Variants in NBAS observed in about 807,000 individuals in gnomAD.
NBAS encodes NAG/BC035112 fusion.
A neutral mutation model predicts 302.5 loss-of-function variants in NBAS; 219 were observed. That is an observed-to-expected ratio of 0.72 (90% CI 0.65 to 0.81). The LOEUF (loss-of-function observed/expected upper bound fraction) is 0.81. Among genes scored for constraint, NBAS ranks in the 30% least tolerant of loss-of-function variants. The pLI is 0.00. For missense variants in NBAS, 2,932 were observed against 2,841.6 expected (o/e 1.03, Z -0.72); for synonymous variants, 1,118 against 1,021.6 (o/e 1.09, Z -1.80).
chr2:14,973,754 C>T, the NBAS span, among the ~76,000 whole-genome samples: 4 of 152,244 alleles, frequency 2.6e-5, no homozygotes, highest in Middle Eastern at 3.4e-3. Flanking sequence ...AAGTTATTTA[C>T]GATATTTGAA....
the NBAS span, among the ~76,000 whole-genome samples, chr2:15,020,848 A>C: frequency 6.6e-6 from 1 of 152,086 alleles, no homozygotes; most frequent in Non-Finnish European, 1.5e-5. Flanking sequence ...AAACTATGGA[A>C]CTCTGAAGGA....
chr2:14,881,598 A>G, the NBAS span, among the ~76,000 whole-genome samples: 2 of 152,246 alleles, frequency 1.3e-5, no homozygotes, highest in Admixed American at 6.5e-5. Context: ...AGAACATTTA[A>G]AAACTCAGAG....
At chr2:14,887,410 A>AAAAAAAAAAAAAAG in the NBAS span, among the ~76,000 whole-genome samples, 2 of 150,562 alleles carry the variant, frequency 1.3e-5, no homozygotes, top group African/African-American at 4.9e-5. Flanking sequence ...AAAAAAAAAA[A>AAAAAAAAAAAAAAG]AAAAAGATAG....
At chr2:14,936,294 C>G in the NBAS span, among the ~76,000 whole-genome samples, 2 of 152,178 alleles carry the variant, frequency 1.3e-5, no homozygotes, top group African/African-American at 4.8e-5. Flanking sequence ...TGGCCCAAAG[C>G]TAACCAAAAT....
the NBAS span, among the ~76,000 whole-genome samples, chr2:14,978,213 A>T: frequency 6.6e-6 from 1 of 152,122 alleles, no homozygotes; most frequent in Non-Finnish European, 1.5e-5. Context: ...GGTTCTTCCA[A>T]GACAGCGTAA....
chr2:14,807,215 T>C, the NBAS span, among the ~76,000 whole-genome samples: 7 of 151,590 alleles, frequency 4.6e-5, no homozygotes, highest in African/African-American at 1.7e-4. Context: ...ATGACAGGTT[T>C]TCTTTTATTT....
intron 35 of NBAS, among the ~76,000 whole-genome samples, chr2:15,342,224 G>T (rs1672888203): frequency 6.6e-6 from 1 of 152,008 alleles, no homozygotes; most frequent in Non-Finnish European, 1.5e-5. Context: ...GTCTAAAATA[G>T]AGAAAAGTTG....
At chr2:15,189,517 A>G (rs957592405) in intron 49 of NBAS, among the ~76,000 whole-genome samples, 2 of 152,058 alleles carry the variant, frequency 1.3e-5, no homozygotes, top group Non-Finnish European at 2.9e-5. Context: ...CGACAAGGGC[A>G]TTGGTGCTCA....
the NBAS span, among the ~76,000 whole-genome samples, chr2:14,870,842 G>C: frequency 6.6e-6 from 1 of 151,806 alleles, no homozygotes; most frequent in African/African-American, 2.4e-5. Flanking sequence ...TGTAAACAAA[G>C]ATATTAAAGT....
the NBAS span, among the ~76,000 whole-genome samples, chr2:14,808,238 G>A: frequency 1.3e-5 from 2 of 152,184 alleles, no homozygotes; most frequent in South Asian, 2.1e-4. Flanking sequence ...CAAGAACAGA[G>A]AGCTAGTAAG....
the NBAS span, among the ~76,000 whole-genome samples, chr2:14,779,855 G>T: frequency 6.6e-6 from 1 of 152,172 alleles, no homozygotes; most frequent in Non-Finnish European, 1.5e-5. Flanking sequence ...TATTTTAAAA[G>T]ATTTTTCAGA....
At chr2:14,955,952 C>A in the NBAS span, among the ~76,000 whole-genome samples, 2 of 152,196 alleles carry the variant, frequency 1.3e-5, no homozygotes, top group Non-Finnish European at 2.9e-5. Context: ...CTGCAGCTGG[C>A]ATGAATTTGT....
intron 38 of NBAS, among the ~76,000 whole-genome samples, chr2:15,324,058 C>T (rs1671952517): frequency 6.6e-6 from 1 of 152,042 alleles, no homozygotes; most frequent in African/African-American, 2.4e-5. Context: ...GAGTAAAGGG[C>T]AAGATGGTAG....
At chr2:15,198,615 T>C (rs1439899536) in intron 48 of NBAS, among the ~76,000 whole-genome samples, 1 of 152,162 alleles carries the variant, frequency 6.6e-6, no homozygotes, top group Non-Finnish European at 1.5e-5. Flanking sequence ...GGGAACATTG[T>C]GTATGTTCCA....
chr2:15,312,554 G>A (rs1671327354), intron 38 of NBAS, among the ~76,000 whole-genome samples: 1 of 152,096 alleles, frequency 6.6e-6, no homozygotes, highest in Non-Finnish European at 1.5e-5. Flanking sequence ...TGGTATTACA[G>A]GCATGAGCTA....
the NBAS span, among the ~76,000 whole-genome samples, chr2:14,926,175 G>A: frequency 6.6e-6 from 1 of 152,114 alleles, no homozygotes; most frequent in South Asian, 2.1e-4. Context: ...TTCCTTATTG[G>A]TACAGGAGGT....
At chr2:15,370,781 G>A (rs1029726729) in intron 31 of NBAS, among the ~76,000 whole-genome samples, 2 of 152,214 alleles carry the variant, frequency 1.3e-5, no homozygotes, top group African/African-American at 4.8e-5. Flanking sequence ...TCCAATGCCT[G>A]TACCCCTATT....
intron 36 of NBAS, 44 bp from the exon 37 acceptor site, chr2:15,328,356 A>G: frequency 1.3e-6 from 2 of 1,496,930 alleles, no homozygotes; most frequent in Non-Finnish European, 1.9e-6. Context: ...AAAGAAAGAG[A>G]AGGCAAGGAG....
intron 51 of NBAS, among the ~76,000 whole-genome samples, chr2:15,176,843 T>C (rs187016282): frequency 1.8e-4 from 27 of 152,338 alleles, no homozygotes; most frequent in African/African-American, 6.5e-4. Context: ...GTGAAGAATG[T>C]GAGAGACCTT....
Sources: gnomAD v4.1 joint callset for allele counts (sites outside exome capture counted in the v4.1 genomes callset) on GRCh38, gnomAD v4.1.1 for gene constraint, MANE v1.5 for transcripts, NCBI Gene and HGNC (gene_info 2026-07-23, HGNC 2026-07-21) for gene names.